PHF14: variants seen among roughly 807,000 people sequenced by gnomAD.
The protein encoded by PHF14 is PHD finger protein 14.
A neutral mutation model predicts 117.9 loss-of-function variants in PHF14; 55 were observed. That is an observed-to-expected ratio of 0.47 (90% confidence interval 0.38 to 0.58). PHF14 has a LOEUF of 0.58. PHF14 is among the 20% of genes least tolerant of loss of function. PHF14 has a pLI of 0.00. For missense variants in PHF14, 978 were observed against 1,122.2 expected (o/e 0.87, Z 1.84); for synonymous variants, 409 against 368.6 (o/e 1.11, Z -1.26).
intron 17 of PHF14, among the ~76,000 whole-genome samples, chr7:11,165,335 G>C (rs1160967623): frequency 6.6e-6 from 1 of 152,112 alleles, no homozygotes; most frequent in African/African-American, 2.4e-5. Flanking sequence ...CAAACCAGAG[G>C]TGATGTGCCG....
intron 16 of PHF14, chr7:11,102,855 T>C (rs1787138587): frequency 2.6e-6 from 3 of 1,173,274 alleles, no homozygotes; most frequent in Non-Finnish European, 3.2e-6. Flanking sequence ...TATTAAGTAA[T>C]GTCTTTCCCT....
intron 13 of PHF14, among the ~76,000 whole-genome samples, chr7:11,049,429 C>T (rs914964359): frequency 6.8e-6 from 1 of 147,852 alleles, no homozygotes; most frequent in Non-Finnish European, 1.5e-5. Flanking sequence ...GAGCCGAGAT[C>T]GTGCCACTGG....
chr7:11,131,049 G>A (rs897188152), intron 17 of PHF14, among the ~76,000 whole-genome samples: 2 of 151,786 alleles, frequency 1.3e-5, no homozygotes, highest in Admixed American at 1.3e-4. Context: ...CCTATTAAAG[G>A]TAAGAGAGAG....
At chr7:11,013,717 A>G (rs758956222) in intron 4 of PHF14, 30 bp from the exon 5 acceptor site, 1 of 1,302,534 alleles carries the variant, frequency 7.7e-7, no homozygotes, top group Non-Finnish European at 1.1e-6. Flanking sequence ...AATAAACCCT[A>G]TTTAATCATA....
chr7:11,006,584 A>T (rs1783111184), intron 4 of PHF14: 2 of 604,360 alleles, frequency 3.3e-6, no homozygotes, highest in Non-Finnish European at 6.3e-6. Flanking sequence ...CAGTGAACAC[A>T]AGCATGTTGT....
At chr7:11,148,803 T>C (rs1047251359) in intron 17 of PHF14, among the ~76,000 whole-genome samples, 9 of 152,138 alleles carry the variant, frequency 5.9e-5, no homozygotes, top group African/African-American at 2.2e-4. Flanking sequence ...TCAATTCTAG[T>C]TAGAAGAAAA....
rs558511219 is a variant in PHF14, at chr7:10,974,138, G to A, written c.-186G>A. Reference sequence around the variant, plus strand: ...AGCGGCCAGGGCCAGGCGAGGCCGGGGGGGCGGGGGGTTAGGGGACCGCGG... The same window carrying A: ...AGCGGCCAGGGCCAGGCGAGGCCGGAGGGGCGGGGGGTTAGGGGACCGCGG... On this transcript the variant is annotated 5_prime_UTR_variant, in exon 1 of 18. Transcript: ENST00000634607. 3.3e-6 allele frequency: 2 copies of A among 600,264 alleles called. No individual in the cohort carries two copies. Among genetic ancestry groups the A allele is most frequent in the African/African-American group, 3.7e-5 (2 of 53,898 alleles). 37.2% of individuals were successfully genotyped at this position (600,264 alleles called of 1,614,324 possible).
At chr7:10,995,522 A>G (rs1393880408) in intron 4 of PHF14, among the ~76,000 whole-genome samples, 1 of 152,158 alleles carries the variant, frequency 6.6e-6, no homozygotes. Context: ...CCACATGTGG[A>G]GCTGCCCGCC....
intron 17 of PHF14, among the ~76,000 whole-genome samples, chr7:11,159,019 A>T (rs1360806064): frequency 6.7e-6 from 1 of 149,738 alleles, no homozygotes; most frequent in African/African-American, 2.4e-5. Context: ...CCTCAGAAGT[A>T]ATAATATTAA....
Position 11,035,732 on chromosome 7 carries a change from C to T in PHF14, c.1548C>T (p.Ser516=). The change falls in exon 8 of 18, where the codon TCC becomes TCT. Residue 516 remains serine, a synonymous_variant. Transcript: ENST00000634607. ...GAAAAAACTACTTGGCTCTACAGTC[C>T]TATTGTAAAATGTCTTTGCAAGAGA... The part of the protein sequence containing the change: ...WKRKNYLALQ[S]YCKMSLQERE... 1.2e-6 allele frequency: 2 copies of T among 1,610,666 alleles called. No homozygotes were observed. Among genetic ancestry groups the T allele is most frequent in the East Asian group, 2.2e-5 (1 of 44,766 alleles).
Position 11,036,564 on chromosome 7 carries a change from A to AT in PHF14, c.1749_1750insT (p.Glu584Ter). On this transcript the variant is annotated frameshift_variant, in exon 9 of 18. Transcript: ENST00000634607. LOFTEE classifies it high-confidence loss of function. ...CTATTCGTAAACTTATGCGGAAAGCAGAACTCATGGGGATCAGTACAGATA... is the reference window on the plus strand; with the variant it reads ...CTATTCGTAAACTTATGCGGAAAGCATGAACTCATGGGGATCAGTACAGATA... The AT allele has an allele frequency of 6.2e-7, 1 of 1,614,008 alleles. No homozygotes were observed. The highest frequency in any genetic ancestry group is 8.5e-7 in the Non-Finnish European group (1 of 1,179,876).
intron 11 of PHF14, among the ~76,000 whole-genome samples, chr7:11,040,101 A>G (rs1047838590): frequency 3.9e-5 from 6 of 152,132 alleles, no homozygotes; most frequent in Admixed American, 2.0e-4. Context: ...AGTAGAATTC[A>G]TTTATACTGC....
chr7:11,102,538 G>A (rs1347079013), intron 16 of PHF14: 3 of 1,611,012 alleles, frequency 1.9e-6, no homozygotes, highest in Non-Finnish European at 1.7e-6. Context: ...AGGCAATCCC[G>A]GAAACCTCTT....
chr7:11,075,033 G>A (rs982134353), intron 16 of PHF14, among the ~76,000 whole-genome samples: 2 of 151,176 alleles, frequency 1.3e-5, no homozygotes, highest in African/African-American at 2.4e-5. Flanking sequence ...CATCTCCCAG[G>A]TTCAAGCAAT....
intron 5 of PHF14, among the ~76,000 whole-genome samples, chr7:11,019,487 G>A (rs563647186): frequency 4.6e-5 from 7 of 152,084 alleles, no homozygotes; most frequent in Non-Finnish European, 1.0e-4. Flanking sequence ...ATGTGTCTAG[G>A]AGTTCATCCA....
At chr7:11,132,215 AT>A (rs1188192529) in intron 17 of PHF14, among the ~76,000 whole-genome samples, 2 of 151,298 alleles carry the variant, frequency 1.3e-5, no homozygotes, top group Admixed American at 1.3e-4. Context: ...TTCATCTTAT[AT>A]ATCTGCTGCT....
At chr7:10,977,744 C>A (rs1357637836) in intron 2 of PHF14, among the ~76,000 whole-genome samples, 2 of 152,026 alleles carry the variant, frequency 1.3e-5, no homozygotes, top group African/African-American at 4.8e-5. Flanking sequence ...GTGATAACCA[C>A]CAGAAGAACC....
At chr7:11,102,489 C>G in intron 16 of PHF14, 1 of 1,606,452 alleles carries the variant, frequency 6.2e-7, no homozygotes, top group Non-Finnish European at 8.5e-7. Flanking sequence ...TGTGTAGATA[C>G]CCTTCATGAG....
chr7:11,136,474 A>C (rs1360851538), intron 17 of PHF14, among the ~76,000 whole-genome samples: 1 of 152,170 alleles, frequency 6.6e-6, no homozygotes, highest in African/African-American at 2.4e-5. Flanking sequence ...ATTTTCAGAA[A>C]TTTCATTTCA....
Sources: allele counts gnomAD v4.1 joint callset (sites outside exome capture counted in the v4.1 genomes callset), GRCh38; gene constraint gnomAD v4.1.1; transcripts MANE v1.5; gene names NCBI Gene and HGNC (gene_info 2026-07-23, HGNC 2026-07-21).